TSHR: variants seen among roughly 807,000 people sequenced by gnomAD.
TSHR encodes thyrotropin receptor.
In TSHR, 51 loss-of-function variants were observed where a neutral mutation model predicts 64.1. That is an observed-to-expected ratio of 0.80 (90% confidence interval 0.64 to 1.01). The LOEUF is 1.01. Ranked by LOEUF, TSHR falls within the 50% of genes least tolerant of loss-of-function variation. The pLI, the probability that TSHR is intolerant of heterozygous loss-of-function variation, is 0.00. For synonymous variants in TSHR, 361 were observed against 361.9 expected (o/e 1.00, Z 0.03); for missense variants, 877 against 942.8 (o/e 0.93, Z 0.91).
In TSHR at chr14:81,112,262, A is replaced by T. The variant is rs112695312; in HGVS notation, c.692+3810A>T. On this transcript the variant is annotated intron_variant, in intron 8 of 9. Coordinates refer to ENST00000298171, the MANE Select transcript of TSHR (RefSeq NM_000369.5). The stretch of plus-strand genomic sequence containing the variant: ...TAATAAAGGAACTAAATATATCCTC[A>T]ATAATGTTAGACATTATTATGATTA... Among the ~76,000 whole-genome samples, 446 of 152,298 alleles carry T rather than the reference A, an allele frequency of 2.9e-3. 1 individual carries two copies. The highest frequency in any genetic ancestry group is 9.9e-3 in the African/African-American group (413 of 41,566).
chr14:81,104,588 T>C (rs974804941), intron 7 of TSHR: 4 of 985,310 alleles, frequency 4.1e-6, no homozygotes, highest in Non-Finnish European at 3.6e-6. Context: ...CTCCAGCAAG[T>C]CTTTACTGAA....
rs1451942800 is a variant in TSHR, at chr14:80,982,873, C to T, written c.170+27023C>T. ...CATCCAGACCATAGATGAGATTAGA[C>T]ACCAAATCAGGATTAGGGAGGTAAA... On this transcript the variant is annotated intron_variant, in intron 1 of 9. Coordinates refer to ENST00000298171, the MANE Select transcript of TSHR (RefSeq NM_000369.5). 9 of 503,412 alleles carry T rather than the reference C, an allele frequency of 1.8e-5. No individual in the cohort carries two copies. In the East Asian group the frequency reaches 2.5e-4, roughly 14 times the overall value. 31.2% of individuals were successfully genotyped at this position (503,412 alleles called of 1,614,324 possible).
At chr14:81,109,985 T>C (rs1159203876) in intron 8 of TSHR, among the ~76,000 whole-genome samples, 1 of 152,230 alleles carries the variant, frequency 6.6e-6, no homozygotes, top group Non-Finnish European at 1.5e-5. Flanking sequence ...AAGGTACTAC[T>C]TCGCCAAGTA....
At chr14:81,032,765 G>T in intron 1 of TSHR, 1 of 428,152 alleles carries the variant, frequency 2.3e-6, no homozygotes, top group South Asian at 2.0e-5. Context: ...ATTCCAAATT[G>T]GTGGAAGTTG....
At chr14:80,991,814 G>A in intron 1 of TSHR, 1 of 376,688 alleles carries the variant, frequency 2.7e-6, no homozygotes, top group Non-Finnish European at 4.7e-6. Context: ...ACACCGACAA[G>A]CCTGGAGGGA....
At position 81,143,443 on chromosome 14, in the gene TSHR, G is replaced by C. The variant is rs1397137001; in HGVS notation, c.1385G>C (p.Cys462Ser). Reference protein sequence around the residue: ...LMCNLAFADFCMGMYLLLIAS... With the variant: ...LMCNLAFADFSMGMYLLLIAS... ...TGCAACCTGGCCTTTGCGGATTTCT[G>C]CATGGGGATGTACCTGCTCCTCATC... Residue 462 changes from cysteine (C) to serine (S), a missense_variant, in exon 10 of 10, where the codon TGC (cysteine) becomes TCC (serine). Transcript: ENST00000298171. The C allele has an allele frequency of 6.2e-7, 1 of 1,614,052 alleles. No homozygotes were observed. Among genetic ancestry groups the C allele is most frequent in the Non-Finnish European group, 8.5e-7 (1 of 1,180,050 alleles).
At chr14:81,084,877 T>C (rs1395701968) in intron 3 of TSHR, among the ~76,000 whole-genome samples, 1 of 152,240 alleles carries the variant, frequency 6.6e-6, no homozygotes, top group Non-Finnish European at 1.5e-5. Context: ...GATGTTCTTT[T>C]GTACTCACTT....
chr14:81,009,454 A>G (rs998692038), intron 1 of TSHR, among the ~76,000 whole-genome samples: 1 of 152,206 alleles, frequency 6.6e-6, no homozygotes, highest in Non-Finnish European at 1.5e-5. Context: ...GTTTTTAAAA[A>G]ATAAAACATC....
intron 3 of TSHR, among the ~76,000 whole-genome samples, chr14:81,077,795 T>G (rs1377087638): frequency 2.6e-5 from 4 of 152,206 alleles, no homozygotes; most frequent in Non-Finnish European, 5.9e-5. Context: ...TTAATCTAGT[T>G]GTTTTTGCTT....
chr14:81,119,273 C>T, intron 8 of TSHR, among the ~76,000 whole-genome samples: 3 of 145,746 alleles, frequency 2.1e-5, no homozygotes, highest in African/African-American at 7.9e-5. Context: ...TTTTGCAACC[C>T]ACTCATCTGA....
chr14:81,093,825 A>C (rs1888949299), intron 6 of TSHR: 1 of 152,194 alleles, frequency 6.6e-6, no homozygotes, highest in South Asian at 2.1e-4. Context: ...CTCAGCTCCA[A>C]ACTTCAAAGC....
intron 7 of TSHR, among the ~76,000 whole-genome samples, chr14:81,108,096 A>G (rs564696340): frequency 6.4e-4 from 98 of 152,312 alleles, no homozygotes; most frequent in African/African-American, 2.2e-3. Flanking sequence ...CCTGAAAAAT[A>G]GGGAATTAAA....
chr14:81,126,880 C>G (rs1049131247), intron 8 of TSHR, among the ~76,000 whole-genome samples: 1 of 152,164 alleles, frequency 6.6e-6, no homozygotes, highest in African/African-American at 2.4e-5. Context: ...CTTCCAACCC[C>G]AAAAGATTCT....
chr14:81,020,496 C>T (rs150360417), intron 1 of TSHR, among the ~76,000 whole-genome samples: 65 of 152,266 alleles, frequency 4.3e-4, no homozygotes, highest in African/African-American at 1.3e-3. Context: ...ACTGCACATG[C>T]GAGGGACCTA....
At chr14:81,042,134 CA>C in intron 1 of TSHR, among the ~76,000 whole-genome samples, 1 of 151,854 alleles carries the variant, frequency 6.6e-6, no homozygotes, top group East Asian at 1.9e-4. Flanking sequence ...CTCAAAATAC[CA>C]AAAAATGACA....
intron 1 of TSHR, among the ~76,000 whole-genome samples, chr14:80,985,245 G>A (rs1485637119): frequency 2.0e-5 from 3 of 152,200 alleles, no homozygotes; most frequent in Non-Finnish European, 4.4e-5. Flanking sequence ...GCGAGACTCC[G>A]TCTCAAAAAA....
chr14:81,020,795 A>G (rs961440042), intron 1 of TSHR, among the ~76,000 whole-genome samples: 1 of 152,218 alleles, frequency 6.6e-6, no homozygotes. Context: ...GTTTCAGACA[A>G]TTTCAAATCT....
At chr14:81,054,249 G>C (rs1885614629) in intron 1 of TSHR, among the ~76,000 whole-genome samples, 1 of 152,176 alleles carries the variant, frequency 6.6e-6, no homozygotes, top group South Asian at 2.1e-4. Flanking sequence ...TGTAAGATGT[G>C]ACTTGCTCCT....
At chr14:80,981,702 G>A (rs146998532) in intron 1 of TSHR, among the ~76,000 whole-genome samples, 4 of 152,226 alleles carry the variant, frequency 2.6e-5, no homozygotes, top group South Asian at 2.1e-4. Flanking sequence ...GTCCATCACC[G>A]CTGGTAGCTG....
Sources: gnomAD v4.1 joint callset for allele counts (sites outside exome capture counted in the v4.1 genomes callset) on GRCh38, gnomAD v4.1.1 for gene constraint, MANE v1.5 for transcripts, NCBI Gene and HGNC (gene_info 2026-07-23, HGNC 2026-07-21) for gene names.